FRMD4B: variants seen among roughly 807,000 people sequenced by gnomAD.
FRMD4B encodes FERM domain-containing protein 4B.
In FRMD4B, 74 loss-of-function variants were observed where a neutral mutation model predicts 141.5. The observed-to-expected ratio is 0.52, with a 90% confidence interval of 0.43 to 0.63. The LOEUF is 0.63. Ranked by LOEUF, FRMD4B falls within the 30% of genes least tolerant of loss-of-function variation. The pLI is 0.00. For synonymous variants in FRMD4B, 506 were observed against 467.9 expected, an observed-to-expected ratio of 1.08 and a Z score of -1.05; for missense variants, 1,366 against 1,253.4, an observed-to-expected ratio of 1.09 and a Z score of -1.36.
intron 1 of FRMD4B, among the ~76,000 whole-genome samples, chr3:69,344,915 C>T (rs1036284824): frequency 3.3e-5 from 5 of 152,110 alleles, no homozygotes; most frequent in African/African-American, 1.2e-4. Flanking sequence ...TTGAGCGATG[C>T]AGAAGATGGG....
intron 7 of FRMD4B, among the ~76,000 whole-genome samples, chr3:69,231,008 G>C (rs2093301074): frequency 6.6e-6 from 1 of 152,180 alleles, no homozygotes; most frequent in Non-Finnish European, 1.5e-5. Context: ...ATCACACATA[G>C]GTGATAAAAC....
At chr3:69,430,171 C>T (rs1705156170) in intron 2 of FRMD4B, among the ~76,000 whole-genome samples, 1 of 152,136 alleles carries the variant, frequency 6.6e-6, no homozygotes, top group Non-Finnish European at 1.5e-5. Context: ...AGTAGGAATG[C>T]ACACATACAG....
At chr3:69,307,414 C>G (rs13063137) in intron 3 of FRMD4B, among the ~76,000 whole-genome samples, 47,148 of 151,930 alleles carry the variant, frequency 0.31, 8,216 homozygotes, top group Non-Finnish European at 0.39. Context: ...AATCTCGGTT[C>G]ACTGCAACCT....
intron 1 of FRMD4B, among the ~76,000 whole-genome samples, chr3:69,470,030 A>G (rs529000536): frequency 6.6e-6 from 1 of 152,294 alleles, no homozygotes; most frequent in Admixed American, 6.5e-5. Context: ...ACACCCCAAG[A>G]CACCCAGATG....
At chr3:69,363,484 G>A (rs543138945) in intron 1 of FRMD4B, among the ~76,000 whole-genome samples, 3 of 151,630 alleles carry the variant, frequency 2.0e-5, no homozygotes, top group African/African-American at 7.3e-5. Context: ...CCGCCTCCTG[G>A]GTTCACGCCA....
At chr3:69,212,152 G>A (rs548948732) in intron 11 of FRMD4B, among the ~76,000 whole-genome samples, 2 of 151,596 alleles carry the variant, frequency 1.3e-5, no homozygotes, top group Admixed American at 6.6e-5. Flanking sequence ...CTGAGGTCAG[G>A]AGTTCGAGAC....
chr3:69,494,161 T>C (rs1706348346), intron 1 of FRMD4B, among the ~76,000 whole-genome samples: 1 of 152,234 alleles, frequency 6.6e-6, no homozygotes, highest in Non-Finnish European at 1.5e-5. Flanking sequence ...ATTATAGGCA[T>C]GAGCCACAGC....
intron 7 of FRMD4B, among the ~76,000 whole-genome samples, chr3:69,233,186 G>A (rs1223342216): frequency 1.3e-5 from 2 of 152,040 alleles, no homozygotes; most frequent in African/African-American, 2.4e-5. Flanking sequence ...AACCTAAGCT[G>A]TTTAGAAAGT....
chr3:69,339,899 C>G (rs1702678289), intron 1 of FRMD4B, among the ~76,000 whole-genome samples: 1 of 152,102 alleles, frequency 6.6e-6, no homozygotes, highest in Admixed American at 6.6e-5. Context: ...TCAGAGCCAA[C>G]CAATTAGGTT....
chr3:69,225,106 A>G (rs1266167581), intron 7 of FRMD4B, among the ~76,000 whole-genome samples: 45 of 152,194 alleles, frequency 3.0e-4, no homozygotes, highest in African/African-American at 4.8e-5. Flanking sequence ...TTCGTAATAG[A>G]TATCATTGCA....
At chr3:69,277,259 A>G (rs2093622078) in intron 5 of FRMD4B, among the ~76,000 whole-genome samples, 1 of 152,018 alleles carries the variant, frequency 6.6e-6, no homozygotes, top group South Asian at 2.1e-4. Flanking sequence ...TTTCTTCTCC[A>G]TTTTGTTATG....
intron 1 of FRMD4B, among the ~76,000 whole-genome samples, chr3:69,338,259 A>G (rs1702620353): frequency 1.3e-5 from 2 of 152,186 alleles, no homozygotes; most frequent in African/African-American, 4.8e-5. Context: ...TTGAACAATG[A>G]CAACTCATGG....
At chr3:69,328,432 T>C (rs1001995040) in intron 1 of FRMD4B, among the ~76,000 whole-genome samples, 3 of 152,272 alleles carry the variant, frequency 2.0e-5, no homozygotes, top group African/African-American at 7.2e-5. Flanking sequence ...CCAGAGCTGG[T>C]TGTGTCAGAG....
intron 1 of FRMD4B, among the ~76,000 whole-genome samples, chr3:69,488,891 TAA>T (rs35778230): frequency 0.028 from 2,287 of 82,152 alleles, 26 homozygotes; most frequent in African/African-American, 0.04. Flanking sequence ...AGACTCCATC[TAA>T]AAAAAAAAAA....
intron 2 of FRMD4B, among the ~76,000 whole-genome samples, chr3:69,422,028 C>T (rs1293463764): frequency 6.6e-6 from 1 of 152,220 alleles, no homozygotes; most frequent in Non-Finnish European, 1.5e-5. Context: ...ATAGAAGCAG[C>T]CTGATACTTT....
intron 1 of FRMD4B, among the ~76,000 whole-genome samples, chr3:69,338,456 T>TA (rs201900076): frequency 2.0e-5 from 3 of 151,734 alleles, no homozygotes; most frequent in African/African-American, 7.3e-5. Context: ...TAAAGTATAA[T>TA]AAAAAAAGAA....
intron 5 of FRMD4B, among the ~76,000 whole-genome samples, chr3:69,280,698 G>C (rs1486635779): frequency 1.3e-5 from 2 of 152,072 alleles, no homozygotes; most frequent in African/African-American, 4.8e-5. Context: ...ATTAACCACT[G>C]CAACCTCTGC....
chr3:69,377,228 C>T (rs956761852), intron 1 of FRMD4B: 4 of 152,162 alleles, frequency 2.6e-5, no homozygotes, highest in African/African-American at 9.7e-5. Context: ...TTAATTTTCT[C>T]AGTGATAAAT....
At chr3:69,485,908 C>T (rs915749267) in intron 1 of FRMD4B, among the ~76,000 whole-genome samples, 5 of 152,246 alleles carry the variant, frequency 3.3e-5, no homozygotes, top group East Asian at 3.8e-4. Flanking sequence ...GAAGGCCCAT[C>T]GCTGCCATCA....
Sources: gnomAD v4.1 joint callset for allele counts (sites outside exome capture counted in the v4.1 genomes callset) on GRCh38, gnomAD v4.1.1 for gene constraint, MANE v1.5 for transcripts, NCBI Gene and HGNC (gene_info 2026-07-23, HGNC 2026-07-21) for gene names.